Variants in ADAMTS20 observed in about 807,000 individuals in gnomAD.
The protein encoded by ADAMTS20 is ADAM metallopeptidase with thrombospondin type 1 motif 20, also known as A disintegrin and metalloproteinase with thrombospondin motifs 20.
Under a neutral mutation model 260.1 loss-of-function variants are expected in ADAMTS20, and 225 were observed. That is an observed-to-expected ratio of 0.87 (90% CI 0.78 to 0.97). The LOEUF (loss-of-function observed/expected upper bound fraction) is 0.97. Among genes scored for constraint, ADAMTS20 ranks in the 50% least tolerant of loss-of-function variants. ADAMTS20 has a pLI of 0.00. For synonymous variants in ADAMTS20, 802 were observed against 769.5 expected, an observed-to-expected ratio of 1.04 and a Z score of -0.70; for missense variants, 2,400 against 2,337.7, an observed-to-expected ratio of 1.03 and a Z score of -0.55.
At chr12:43,529,701 G>A (rs1180666382) in intron 3 of ADAMTS20, among the ~76,000 whole-genome samples, 1 of 152,056 alleles carries the variant, frequency 6.6e-6, no homozygotes, top group East Asian at 1.9e-4. Context: ...CATATGAGGT[G>A]CAAGGTACAC....
Position 43,493,177 on chromosome 12 carries a change from C to A in ADAMTS20, c.944G>T (p.Arg315Leu), listed in dbSNP as rs193268427. Residue 315 changes from arginine (R) to leucine (L), a missense_variant, in exon 5 of 39, where the codon CGT (arginine) becomes CTT (leucine). Physicochemically the swap from Arg to Leu is moderately radical, Grantham distance 102. Transcript: ENST00000389420. ...TTTAGACCTGTTTCTTACCTCCTCA[C>A]GGTGAATCATAACTAATTTTACCAC... ...IVVVKLVMIHREEEGPVINFD... is the reference protein window; with the variant it reads ...IVVVKLVMIHLEEEGPVINFD... 1 of 1,558,624 alleles carries A rather than the reference C, an allele frequency of 6.4e-7. No homozygotes were observed. The highest frequency in any genetic ancestry group is 8.7e-7 in the Non-Finnish European group (1 of 1,149,542).
At chr12:43,420,849 G>A (rs760236498) in intron 28 of ADAMTS20, among the ~76,000 whole-genome samples, 69 of 105,816 alleles carry the variant, frequency 6.5e-4, no homozygotes, top group African/African-American at 1.9e-3. Context: ...GGTCTGTCAC[G>A]CAGGCTGGAA....
chr12:43,481,320 A>C (rs1400001368), intron 7 of ADAMTS20, among the ~76,000 whole-genome samples: 3 of 149,390 alleles, frequency 2.0e-5, no homozygotes, highest in African/African-American at 7.3e-5. Flanking sequence ...AAAACACTTA[A>C]GAAAATAAAA....
rs11182143 is a variant in ADAMTS20, at chr12:43,534,790, A to G, written c.454-2595T>C. On this transcript the variant is annotated intron_variant, in intron 2 of 38. Coordinates refer to ENST00000389420, the MANE Select transcript of ADAMTS20 (RefSeq NM_025003.5). Reference sequence around the variant, plus strand: ...AAAGGAAGAAACCCTAAAACTAAATATTTCTATTTGCCTGGTTACTACTGA... The same window carrying G: ...AAAGGAAGAAACCCTAAAACTAAATGTTTCTATTTGCCTGGTTACTACTGA... Among the ~76,000 whole-genome samples, 39 of 152,290 alleles carry G rather than the reference A, an allele frequency of 2.6e-4. No homozygotes were observed. In the East Asian group the frequency reaches 6.9e-3, roughly 27 times the overall value.
chr12:43,531,983 A>T lies in ADAMTS20; in HGVS notation c.613+53T>A. ...TATATAAATTATAACCTATAAAAAA[A>T]GATTTAAATAGTATCACTATTTAGC... is the stretch of plus-strand genomic sequence containing the variant. On this transcript the variant is annotated intron_variant, in intron 3 of 38. Coordinates refer to ENST00000389420, the MANE Select transcript of ADAMTS20 (RefSeq NM_025003.5). 4 of 1,168,942 alleles carry T rather than the reference A, an allele frequency of 3.4e-6. No individual in the cohort carries two copies. In the South Asian group the frequency reaches 1.2e-4, roughly 36 times the overall value. 72.4% of individuals were successfully genotyped at this position (1,168,942 alleles called of 1,614,324 possible). A position where few individuals can be genotyped will look rare whatever the true frequency, so the allele number is the denominator to read the frequency against.
intron 7 of ADAMTS20, among the ~76,000 whole-genome samples, chr12:43,475,781 TG>T: frequency 6.6e-6 from 1 of 150,744 alleles, no homozygotes; most frequent in South Asian, 2.2e-4. Flanking sequence ...TGGGAAAACT[TG>T]CTAGCCATAT....
At chr12:43,470,471 C>T (rs1054816683) in intron 7 of ADAMTS20, among the ~76,000 whole-genome samples, 1 of 152,156 alleles carries the variant, frequency 6.6e-6, no homozygotes, top group Non-Finnish European at 1.5e-5. Flanking sequence ...GCAGGCAACA[C>T]CTACAAAACT....
intron 9 of ADAMTS20, among the ~76,000 whole-genome samples, chr12:43,465,019 G>T (rs1198499109): frequency 6.6e-6 from 1 of 152,110 alleles, no homozygotes; most frequent in Non-Finnish European, 1.5e-5. Context: ...AAATTCATCA[G>T]AACATTATTT....
intron 28 of ADAMTS20, among the ~76,000 whole-genome samples, chr12:43,424,371 C>A (rs997071135): frequency 6.6e-6 from 1 of 151,794 alleles, no homozygotes; most frequent in Non-Finnish European, 1.5e-5. Flanking sequence ...CAATAAAAAC[C>A]CAGAAAATTA....
intron 3 of ADAMTS20, among the ~76,000 whole-genome samples, chr12:43,515,621 A>T (rs1397301391): frequency 6.6e-6 from 1 of 152,212 alleles, no homozygotes; most frequent in African/African-American, 2.4e-5. Flanking sequence ...GATATTTTCC[A>T]AAGTAAATCT....
chr12:43,442,626 T>A (rs542270583), intron 16 of ADAMTS20, among the ~76,000 whole-genome samples: 84 of 152,330 alleles, frequency 5.5e-4, no homozygotes, highest in African/African-American at 2.0e-3. Context: ...TTGTCTACAT[T>A]TGGAATCTAA....
intron 3 of ADAMTS20, among the ~76,000 whole-genome samples, chr12:43,518,055 T>C (rs754436563): frequency 6.6e-6 from 1 of 152,066 alleles, no homozygotes; most frequent in African/African-American, 2.4e-5. Context: ...GTTCTTATTT[T>C]CAAAAAGGCA....
intron 6 of ADAMTS20, among the ~76,000 whole-genome samples, chr12:43,491,883 T>G (rs959475997): frequency 6.6e-6 from 1 of 152,198 alleles, no homozygotes; most frequent in Non-Finnish European, 1.5e-5. Context: ...CTATGTTAAT[T>G]TCTTAATTCT....
chr12:43,377,676 A>G (rs889977365), intron 31 of ADAMTS20, 114 bp from the exon 32 acceptor site: 1 of 839,626 alleles, frequency 1.2e-6, no homozygotes, highest in African/African-American at 1.7e-5. Flanking sequence ...AATCCTATTT[A>G]ATTAGCTTCA....
rs548646858 is a variant in ADAMTS20 at position 43,434,945 on chromosome 12, T to C, written c.2594-574A>G. On this transcript the variant is annotated intron_variant, in intron 18 of 38. Coordinates refer to ENST00000389420, the MANE Select transcript of ADAMTS20 (RefSeq NM_025003.5). Reference sequence around the variant, plus strand: ...ATCATTTCCCAGATACAGCTGATCTTTCAGCCTGGAATCATGGAAAAAAAA... The same window carrying C: ...ATCATTTCCCAGATACAGCTGATCTCTCAGCCTGGAATCATGGAAAAAAAA... Among the ~76,000 whole-genome samples, 75 of 152,234 alleles carry C rather than the reference T, an allele frequency of 4.9e-4. 1 individual carries two copies. The highest frequency in any genetic ancestry group is 1.7e-3 in the African/African-American group (70 of 41,538).
intron 2 of ADAMTS20, among the ~76,000 whole-genome samples, chr12:43,534,293 C>T (rs1457880451): frequency 1.3e-5 from 2 of 151,192 alleles, no homozygotes; most frequent in Non-Finnish European, 2.9e-5. Context: ...AAAAAACAAA[C>T]AACCCCATCA....
chr12:43,492,163 G>A (rs1196190116), intron 6 of ADAMTS20, among the ~76,000 whole-genome samples: 1 of 151,994 alleles, frequency 6.6e-6, no homozygotes, highest in African/African-American at 2.4e-5. Flanking sequence ...GGTGGATCAC[G>A]AGGTCAGGAG....
chr12:43,471,711 C>A (rs1453746769), intron 7 of ADAMTS20, among the ~76,000 whole-genome samples: 9 of 142,548 alleles, frequency 6.3e-5, no homozygotes, highest in Non-Finnish European at 1.2e-4. Context: ...GGGAGGCACC[C>A]CCCAGCAGGG....
At chr12:43,401,186 A>C (rs1289360278) in intron 28 of ADAMTS20, among the ~76,000 whole-genome samples, 3 of 151,954 alleles carry the variant, frequency 2.0e-5, no homozygotes, top group Non-Finnish European at 4.4e-5. Context: ...AGAAGATAAT[A>C]TTTAAATTCA....
Sources: allele counts gnomAD v4.1 joint callset (sites outside exome capture counted in the v4.1 genomes callset), GRCh38; gene constraint gnomAD v4.1.1; transcripts MANE v1.5; gene names NCBI Gene and HGNC (gene_info 2026-07-23, HGNC 2026-07-21).